Variants in NECAB1 observed in about 807,000 individuals in gnomAD.
NECAB1 encodes the protein N-terminal EF-hand calcium binding protein 1.
In NECAB1, 29 loss-of-function variants were observed where a neutral mutation model predicts 57.5. That is an observed-to-expected ratio of 0.50 (90% CI 0.38 to 0.69). The LOEUF (loss-of-function observed/expected upper bound fraction) is 0.69, where lower values mean the gene tolerates loss of function less well. NECAB1 is among the 30% of genes least tolerant of loss of function. NECAB1 has a pLI of 0.00. For synonymous variants in NECAB1, 142 were observed against 147.7 expected (o/e 0.96, Z 0.28); for missense variants, 372 against 413.8 (o/e 0.90, Z 0.88).
rs1811054819 is a variant in NECAB1 at position 90,957,608 on chromosome 8, TGTGA to T, written c.*2100_*2103del. On this transcript the variant is annotated 3_prime_UTR_variant, in exon 13 of 13. Coordinates refer to ENST00000417640, the MANE Select transcript of NECAB1 (RefSeq NM_022351.5). ...TGAGAGTTGTATGTATGTGAATGTG[TGTGA>T]GTGTGTATTCACATACACATATATA... 1 of 150,276 alleles carries T rather than the reference TGTGA, an allele frequency of 6.7e-6. No homozygotes were observed. The highest frequency in any genetic ancestry group is 2.4e-5 in the African/African-American group (1 of 41,050). 9.3% of individuals were successfully genotyped at this position (150,276 alleles called of 1,614,324 possible).
intron 6 of NECAB1, among the ~76,000 whole-genome samples, chr8:90,918,662 T>C (rs1810034340): frequency 6.6e-6 from 1 of 152,124 alleles, no homozygotes; most frequent in Admixed American, 6.6e-5. Flanking sequence ...GAACTGGACC[T>C]GTAGGATGAA....
At chr8:90,820,791 T>A (rs1812131051) in intron 2 of NECAB1, among the ~76,000 whole-genome samples, 1 of 151,546 alleles carries the variant, frequency 6.6e-6, no homozygotes, top group African/African-American at 2.4e-5. Context: ...GTGTACTCAA[T>A]AAATATTTTT....
Position 90,872,153 on chromosome 8 carries a change from GGTAA to G in NECAB1, c.259+3_259+6del, listed in dbSNP as rs1355566374. 8 of 1,546,584 alleles carry G rather than the reference GGTAA, an allele frequency of 5.2e-6. No individual in the cohort carries two copies. Among genetic ancestry groups the G allele is most frequent in the East Asian group, 2.4e-5 (1 of 41,890 alleles). ...TAATCTTGACACAGAAGAGCTATGT[GGTAA>G]GTGTTTCTTTAAGATCAGTCAAACC... is the stretch of plus-strand genomic sequence containing the variant. On this transcript the variant is annotated splice_donor_variant and splice_donor_region_variant and intron_variant, in intron 4 of 12. Coordinates refer to ENST00000417640, the MANE Select transcript of NECAB1 (RefSeq NM_022351.5). LOFTEE classifies it high-confidence loss of function.
intron 7 of NECAB1, among the ~76,000 whole-genome samples, chr8:90,927,392 A>T (rs2130176316): frequency 6.6e-6 from 1 of 152,170 alleles, no homozygotes; most frequent in South Asian, 2.1e-4. Flanking sequence ...AAGGCTTTAT[A>T]GTCTTGAATT....
chr8:90,836,047 A>G (rs1031961186), intron 3 of NECAB1, among the ~76,000 whole-genome samples: 1 of 152,146 alleles, frequency 6.6e-6, no homozygotes, highest in Admixed American at 6.5e-5. Flanking sequence ...TTTGAATGCT[A>G]TTGCTATATT....
At chr8:90,927,944 CG>C (rs1810315201) in intron 7 of NECAB1, among the ~76,000 whole-genome samples, 2 of 151,896 alleles carry the variant, frequency 1.3e-5, no homozygotes, top group Non-Finnish European at 2.9e-5. Flanking sequence ...AACTACATCA[CG>C]GGGTTTTGTA....
At chr8:90,839,988 A>T (rs1312857217) in intron 3 of NECAB1, among the ~76,000 whole-genome samples, 1 of 152,240 alleles carries the variant, frequency 6.6e-6, no homozygotes, top group Non-Finnish European at 1.5e-5. Context: ...TGCTTTAAAA[A>T]ATGTTAGCTG....
chr8:90,859,600 T>A (rs955161987), intron 3 of NECAB1, among the ~76,000 whole-genome samples: 1 of 152,142 alleles, frequency 6.6e-6, no homozygotes, highest in Non-Finnish European at 1.5e-5. Context: ...TTTCAGTCCC[T>A]TGATGCTATC....
At chr8:90,869,049 A>G (rs1458054362) in intron 3 of NECAB1, among the ~76,000 whole-genome samples, 1 of 152,222 alleles carries the variant, frequency 6.6e-6, no homozygotes, top group Non-Finnish European at 1.5e-5. Flanking sequence ...GCCACGGCTA[A>G]AAGGGACAAA....
intron 8 of NECAB1, among the ~76,000 whole-genome samples, chr8:90,931,719 C>T (rs1810410164): frequency 6.6e-6 from 1 of 151,960 alleles, no homozygotes; most frequent in African/African-American, 2.4e-5. Context: ...GCCTGGCCAA[C>T]ATGGCAAAAC....
intron 5 of NECAB1, among the ~76,000 whole-genome samples, chr8:90,908,411 T>C (rs1012355847): frequency 5.9e-5 from 9 of 152,118 alleles, no homozygotes; most frequent in African/African-American, 2.2e-4. Context: ...ACGTAACATT[T>C]GGTTCTACGT....
chr8:90,862,824 T>G (rs917194470), intron 3 of NECAB1, among the ~76,000 whole-genome samples: 29 of 152,294 alleles, frequency 1.9e-4, no homozygotes, highest in African/African-American at 6.7e-4. Flanking sequence ...TTTTCCCATC[T>G]CCAACTCACA....
At chr8:90,911,062 T>G (rs1031284082) in intron 5 of NECAB1, among the ~76,000 whole-genome samples, 1 of 152,154 alleles carries the variant, frequency 6.6e-6, no homozygotes, top group Admixed American at 6.6e-5. Context: ...TCTGTTTTTA[T>G]GTGAAGATTC....
intron 4 of NECAB1, among the ~76,000 whole-genome samples, chr8:90,873,182 T>C (rs1808651439): frequency 6.6e-6 from 1 of 152,190 alleles, no homozygotes; most frequent in Non-Finnish European, 1.5e-5. Context: ...GTAAAAAAAC[T>C]CATGCTTCTT....
intron 5 of NECAB1, among the ~76,000 whole-genome samples, chr8:90,895,977 G>T (rs1809319281): frequency 6.6e-6 from 1 of 152,148 alleles, no homozygotes. Flanking sequence ...ACTCATTTTA[G>T]ACCAAGTTTT....
At chr8:90,924,761 T>C (rs1482172906) in intron 6 of NECAB1, among the ~76,000 whole-genome samples, 1 of 152,166 alleles carries the variant, frequency 6.6e-6, no homozygotes, top group Non-Finnish European at 1.5e-5. Context: ...ATCTGTACTT[T>C]TAAGCAGCCT....
chr8:90,891,599 AT>A (rs976381118), intron 5 of NECAB1, among the ~76,000 whole-genome samples: 7 of 149,356 alleles, frequency 4.7e-5, no homozygotes, highest in East Asian at 1.9e-4. Context: ...TCTTGATCTG[AT>A]TTTTTTTTTG....
intron 6 of NECAB1, among the ~76,000 whole-genome samples, chr8:90,922,319 A>G (rs756419382): frequency 6.6e-6 from 1 of 151,938 alleles, no homozygotes; most frequent in Admixed American, 6.6e-5. Flanking sequence ...CTTGAAAGTT[A>G]TTTTTCTCCT....
intron 5 of NECAB1, among the ~76,000 whole-genome samples, chr8:90,894,589 A>G (rs955206989): frequency 5.3e-5 from 8 of 152,220 alleles, no homozygotes; most frequent in African/African-American, 1.7e-4. Context: ...GTGGCCCATA[A>G]TAGGCACAAT....
Sources: gnomAD v4.1 joint callset for allele counts (sites outside exome capture counted in the v4.1 genomes callset) on GRCh38, gnomAD v4.1.1 for gene constraint, MANE v1.5 for transcripts, NCBI Gene and HGNC (gene_info 2026-07-23, HGNC 2026-07-21) for gene names.